Variants in UPF2 observed in about 807,000 individuals in gnomAD.
UPF2 encodes the protein regulator of nonsense transcripts 2.
In UPF2, 17 loss-of-function variants were observed where a neutral mutation model predicts 141.4. The observed-to-expected ratio is 0.12, with a 90% confidence interval of 0.08 to 0.18. The LOEUF (loss-of-function observed/expected upper bound fraction) is 0.18. UPF2 is among the 10% of genes least tolerant of loss of function. The probability of loss-of-function intolerance (pLI) is 1.00; values close to 1 mark genes in which losing one functional copy is unlikely to be tolerated. For missense variants in UPF2, 1,152 were observed against 1,515.9 expected (o/e 0.76, Z 3.99); for synonymous variants, 540 against 498.0 (o/e 1.08, Z -1.12).
chr10:12,036,934 A>C (rs1270821432), intron 1 of UPF2, among the ~76,000 whole-genome samples: 2 of 152,176 alleles, frequency 1.3e-5, no homozygotes, highest in Non-Finnish European at 2.9e-5. Flanking sequence ...CTGAGGCAGG[A>C]GAATGGCTTG....
rs1375138110 is a variant in UPF2, at chr10:11,920,121, T to G, written c.*1177A>C. ...ATGTGAAATGTTACAACTTTACAAG[T>G]TTTGTTTTTTATTTAAATCTACATG... On this transcript the variant is annotated 3_prime_UTR_variant, in exon 22 of 22. Transcript: ENST00000357604. The G allele has an allele frequency of 6.6e-6, 1 of 152,158 alleles. No homozygotes were observed. Among genetic ancestry groups the G allele is most frequent in the African/African-American group, 2.4e-5 (1 of 41,428 alleles). 9.4% of individuals were successfully genotyped at this position (152,158 alleles called of 1,614,324 possible).
chr10:11,949,851 G>A (rs1406082776), intron 15 of UPF2, among the ~76,000 whole-genome samples: 2 of 152,024 alleles, frequency 1.3e-5, no homozygotes, highest in Non-Finnish European at 1.5e-5. Flanking sequence ...AAAATCACAG[G>A]TACACTAAAA....
chr10:11,923,807 C>T (rs1832677723), intron 21 of UPF2, among the ~76,000 whole-genome samples: 1 of 152,110 alleles, frequency 6.6e-6, no homozygotes, highest in Admixed American at 6.6e-5. Flanking sequence ...GCACTGCACT[C>T]CAGCCTGGGC....
At chr10:11,975,240 GAC>G (rs1833487286) in intron 9 of UPF2, among the ~76,000 whole-genome samples, 1 of 152,104 alleles carries the variant, frequency 6.6e-6, no homozygotes, top group Admixed American at 6.5e-5. Flanking sequence ...CACCTTGGGT[GAC>G]AGAGTAAGAT....
intron 18 of UPF2, among the ~76,000 whole-genome samples, chr10:11,937,350 C>G (rs1391307945): frequency 1.3e-5 from 2 of 152,100 alleles, no homozygotes; most frequent in East Asian, 3.8e-4. Context: ...AGCTCATAAG[C>G]TTGTTAAGAC....
Position 11,948,473 on chromosome 10 carries a change from T to C in UPF2, c.3070A>G (p.Thr1024Ala). ...VNDKDSKDSMTEGENLEEDEE... is the reference protein window; with the variant it reads ...VNDKDSKDSMAEGENLEEDEE... ...TCCTCTTCAAGATTTTCTCCTTCTG[T>C]CATAGAATCTTTTGAGTCTTTGTCA... Residue 1024 changes from threonine (T) to alanine (A), a missense_variant, in exon 16 of 22, where the codon ACA (threonine) becomes GCA (alanine). This residue lies in a region of UPF2 where 202 missense variants were observed against 223.6 expected (regional missense o/e 0.90). Coordinates refer to ENST00000357604, the MANE Select transcript of UPF2 (RefSeq NM_015542.4). The C allele has an allele frequency of 8.1e-6, 13 of 1,613,108 alleles. No individual in the cohort carries two copies. Among genetic ancestry groups the C allele is most frequent in the Non-Finnish European group, 1.1e-5 (13 of 1,179,934 alleles).
At chr10:11,929,795 G>T (rs1459277038) in intron 21 of UPF2, 70 bp downstream of exon 21, 2 of 1,549,558 alleles carry the variant, frequency 1.3e-6, no homozygotes, top group Admixed American at 2.0e-5. Flanking sequence ...CTATAATCCA[G>T]AATTCCCTAA....
intron 8 of UPF2, among the ~76,000 whole-genome samples, chr10:11,985,242 T>A (rs1375433737): frequency 6.6e-6 from 1 of 152,260 alleles, no homozygotes; most frequent in Admixed American, 6.5e-5. Context: ...TCTATTTAAA[T>A]CTTGAAGTCC....
intron 3 of UPF2, chr10:12,026,544 C>G (rs1235452642): frequency 4.7e-6 from 2 of 426,370 alleles, no homozygotes; most frequent in Admixed American, 5.6e-5. Flanking sequence ...ACTGGTATTC[C>G]TCAAACCATC....
chr10:11,992,019 G>A lies in UPF2; in HGVS notation c.1844+5653C>T, dbSNP rs1242325703. On this transcript the variant is annotated intron_variant, in intron 8 of 21. Coordinates refer to ENST00000357604, the MANE Select transcript of UPF2 (RefSeq NM_015542.4). The surrounding 1 kb of genome is among the most constrained non-coding windows in gnomAD (Gnocchi z 4.1). ...AAATTAGCTGGGCGTGGTGGCGGGC[G>A]CCTGTAATCCCAGCTACTCAGGAGC... is the stretch of plus-strand genomic sequence containing the variant. Among the ~76,000 whole-genome samples the A allele has an allele frequency of 1.3e-5, 2 of 149,188 alleles. No individual in the cohort carries two copies. The highest frequency in any genetic ancestry group is 2.4e-5 in the African/African-American group (1 of 40,878).
chr10:11,926,353 T>C (rs939218652), intron 21 of UPF2, among the ~76,000 whole-genome samples: 2 of 151,248 alleles, frequency 1.3e-5, no homozygotes, highest in African/African-American at 4.9e-5. Context: ...GAAATGAAAA[T>C]GTGAGATCTG....
At position 11,920,799 on chromosome 10, in the gene UPF2, G is replaced by C. The variant is rs960665707; in HGVS notation, c.*499C>G. 1 of 289,190 alleles carries C rather than the reference G, an allele frequency of 3.5e-6. No individual in the cohort carries two copies. Among genetic ancestry groups the C allele is most frequent in the Non-Finnish European group, 6.9e-6 (1 of 144,556 alleles). The allele number at this position is 289,190 out of a possible 1,614,324, so 17.9% of individuals were successfully genotyped here. ...GTCCTGCATGTAAGTTTTACTAGAA[G>C]ATTTTCCTGCTTGCTCTATACTTTT... On this transcript the variant is annotated 3_prime_UTR_variant, in exon 22 of 22. Coordinates refer to ENST00000357604, the MANE Select transcript of UPF2 (RefSeq NM_015542.4).
At chr10:11,962,548 A>T (rs935855070) in intron 11 of UPF2, among the ~76,000 whole-genome samples, 1 of 152,052 alleles carries the variant, frequency 6.6e-6, no homozygotes, top group Non-Finnish European at 1.5e-5. Flanking sequence ...CCATACCCCG[A>T]TTCATTTCTG....
At chr10:11,973,683 T>C (rs1452312723) in intron 9 of UPF2, among the ~76,000 whole-genome samples, 2 of 152,184 alleles carry the variant, frequency 1.3e-5, no homozygotes, top group Admixed American at 1.3e-4. Context: ...TTGCCAAAGA[T>C]CAGATGGTTG....
At chr10:12,015,620 T>G (rs568303821) in intron 3 of UPF2, among the ~76,000 whole-genome samples, 40 of 152,296 alleles carry the variant, frequency 2.6e-4, no homozygotes, top group African/African-American at 9.4e-4. Flanking sequence ...AAGAATCGCT[T>G]GAACCTGGGA....
At chr10:11,985,281 ATAAAAT>A (rs1398639175) in intron 8 of UPF2, among the ~76,000 whole-genome samples, 1 of 152,202 alleles carries the variant, frequency 6.6e-6, no homozygotes, top group Non-Finnish European at 1.5e-5. Flanking sequence ...ACTTCACAAA[ATAAAAT>A]CCTTTATGTT....
At chr10:11,975,732 G>A (rs956555390) in intron 9 of UPF2, among the ~76,000 whole-genome samples, 2 of 151,584 alleles carry the variant, frequency 1.3e-5, no homozygotes, top group Non-Finnish European at 2.9e-5. Flanking sequence ...GGTCAGGCTG[G>A]TCTCGAACTC....
In UPF2 at chr10:11,966,954, T is replaced by C. The variant is rs545088557; in HGVS notation, c.2067+387A>G. 3.0e-4 allele frequency among the ~76,000 whole-genome samples: 46 copies of C among 152,354 alleles called. 1 individual carries two copies. The highest frequency in any genetic ancestry group is 9.9e-4 in the African/African-American group (41 of 41,584). On this transcript the variant is annotated intron_variant, in intron 10 of 21. Coordinates refer to ENST00000357604, the MANE Select transcript of UPF2 (RefSeq NM_015542.4). Reference sequence around the variant, plus strand: ...TCAATATTTTTAACCTCTATGATAATACAGAGAAACCAGCTTTCATTTTAT... The same window carrying C: ...TCAATATTTTTAACCTCTATGATAACACAGAGAAACCAGCTTTCATTTTAT...
intron 2 of UPF2, among the ~76,000 whole-genome samples, chr10:12,032,971 C>G (rs1293775628): frequency 6.6e-6 from 1 of 152,016 alleles, no homozygotes; most frequent in Non-Finnish European, 1.5e-5. Flanking sequence ...CCACTGCACT[C>G]CAGCCTGGGT....
Sources: allele counts gnomAD v4.1 joint callset (sites outside exome capture counted in the v4.1 genomes callset), GRCh38; gene constraint gnomAD v4.1.1; regional missense constraint gnomAD v4.1.1; non-coding constraint Gnocchi (gnomAD v3.1); transcripts MANE v1.5; gene names NCBI Gene and HGNC (gene_info 2026-07-23, HGNC 2026-07-21).